The following STK33 variants were observed in gnomAD, a reference collection of about 807,000 sequenced individuals.
The protein encoded by STK33 is serine/threonine kinase 33.
In STK33, 52 loss-of-function variants were observed where a neutral mutation model predicts 58.0. The observed-to-expected ratio is 0.90, with a 90% CI of 0.72 to 1.13. The LOEUF (loss-of-function observed/expected upper bound fraction) is 1.13, where lower values mean the gene tolerates loss of function less well. Ranked by LOEUF, STK33 falls within the 50% of genes most tolerant of loss-of-function variation. The probability of loss-of-function intolerance (pLI) is 0.00; values close to 1 mark genes in which losing one functional copy is unlikely to be tolerated. For missense variants in STK33, 630 were observed against 604.2 expected (o/e 1.04, Z -0.45); for synonymous variants, 215 against 200.1 (o/e 1.07, Z -0.63).
intron 14 of STK33, among the ~76,000 whole-genome samples, chr11:8,418,235 C>T (rs189603703): frequency 2.6e-5 from 4 of 151,786 alleles, no homozygotes; most frequent in Admixed American, 6.6e-5. Flanking sequence ...TTTTTCTGGT[C>T]CTCTCCCTCC....
intron 1 of STK33, chr11:8,593,858 G>A (rs977360752): frequency 3.9e-5 from 6 of 152,352 alleles, no homozygotes; most frequent in African/African-American, 2.4e-5. Context: ...TACCGGACCC[G>A]GGGGAAATGG....
the STK33 span, among the ~76,000 whole-genome samples, chr11:8,372,081 C>T: frequency 6.6e-6 from 1 of 151,984 alleles, no homozygotes; most frequent in Non-Finnish European, 1.5e-5. Context: ...GTTGCCCAGG[C>T]TGATCCTAAC....
At chr11:8,373,954 A>C in the STK33 span, among the ~76,000 whole-genome samples, 2 of 152,210 alleles carry the variant, frequency 1.3e-5, no homozygotes, top group African/African-American at 4.8e-5. Flanking sequence ...AGCCATGACA[A>C]CATGCAATTC....
At chr11:8,564,885 C>T (rs1427043407) in intron 1 of STK33, among the ~76,000 whole-genome samples, 1 of 152,158 alleles carries the variant, frequency 6.6e-6, no homozygotes, top group Non-Finnish European at 1.5e-5. Context: ...AAAAACATAT[C>T]CTAAGCAGAA....
At chr11:8,535,183 GA>G (rs1252428503) in intron 1 of STK33, among the ~76,000 whole-genome samples, 4 of 152,140 alleles carry the variant, frequency 2.6e-5, no homozygotes, top group African/African-American at 9.7e-5. Flanking sequence ...GCCTCAGTAT[GA>G]GAAGCATTAA....
chr11:8,567,715 T>C (rs1455282352), intron 1 of STK33, among the ~76,000 whole-genome samples: 1 of 152,176 alleles, frequency 6.6e-6, no homozygotes, highest in Non-Finnish European at 1.5e-5. Context: ...AACACCAGAT[T>C]CTATCCTTTA....
At chr11:8,342,913 G>C in the STK33 span, among the ~76,000 whole-genome samples, 2 of 152,340 alleles carry the variant, frequency 1.3e-5, no homozygotes, top group South Asian at 4.1e-4. Flanking sequence ...GTGTGTCAGG[G>C]AAAGTGCGAT....
intron 1 of STK33, among the ~76,000 whole-genome samples, chr11:8,489,469 C>A (rs960470773): frequency 1.3e-5 from 2 of 152,018 alleles, no homozygotes; most frequent in African/African-American, 2.4e-5. Context: ...ACTAGGAAGT[C>A]GAAGAGCATG....
the STK33 span, among the ~76,000 whole-genome samples, chr11:8,356,067 G>A: frequency 6.6e-6 from 1 of 152,240 alleles, no homozygotes; most frequent in Non-Finnish European, 1.5e-5. Flanking sequence ...GGGGGTGCAG[G>A]GGTGGGGAGC....
At chr11:8,495,228 A>T (rs1950964624) in intron 1 of STK33, among the ~76,000 whole-genome samples, 1 of 152,142 alleles carries the variant, frequency 6.6e-6, no homozygotes, top group Non-Finnish European at 1.5e-5. Context: ...GAATCTACAA[A>T]GAACTTAAAC....
chr11:8,367,107 G>A, the STK33 span, among the ~76,000 whole-genome samples: 1 of 152,248 alleles, frequency 6.6e-6, no homozygotes, highest in Non-Finnish European at 1.5e-5. Context: ...TGTGTAGAAA[G>A]TATACGTTTT....
chr11:8,535,856 AATAG>A (rs1458209338), intron 1 of STK33, among the ~76,000 whole-genome samples: 1 of 152,220 alleles, frequency 6.6e-6, no homozygotes, highest in Non-Finnish European at 1.5e-5. Context: ...TCAACAGATG[AATAG>A]ATAAAGAAAA....
At chr11:8,424,783 T>C (rs1463391729) in intron 14 of STK33, among the ~76,000 whole-genome samples, 1 of 145,506 alleles carries the variant, frequency 6.9e-6, no homozygotes, top group Non-Finnish European at 1.5e-5. Context: ...TGCATAAATG[T>C]CTTCTTTTGA....
In STK33 at chr11:8,392,183, AT is replaced by A. The variant is rs1848667444; in HGVS notation, c.*326del. 3.4e-6 allele frequency: 1 copy of A among 297,084 alleles called. No homozygotes were observed. Among genetic ancestry groups the A allele is most frequent in the Non-Finnish European group, 6.2e-6 (1 of 160,488 alleles). The allele number at this position is 297,084 out of a possible 1,614,324, so 18.4% of individuals were successfully genotyped here. On this transcript the variant is annotated 3_prime_UTR_variant, in exon 16 of 16. Transcript: ENST00000687296. Reference sequence around the variant, plus strand: ...TAAATAGCTGTGCCTAAACATAAGAATTTGAAGTAAAAATGAGCAAGTGTGC... The same window carrying A: ...TAAATAGCTGTGCCTAAACATAAGAATTGAAGTAAAAATGAGCAAGTGTGC...
At chr11:8,520,167 T>C (rs1286396114) in intron 1 of STK33, among the ~76,000 whole-genome samples, 2 of 152,196 alleles carry the variant, frequency 1.3e-5, no homozygotes, top group African/African-American at 2.4e-5. Context: ...GCTTCATCCC[T>C]GGGATGCAAG....
At chr11:8,415,586 T>A (rs1040502912) in intron 14 of STK33, among the ~76,000 whole-genome samples, 2 of 152,118 alleles carry the variant, frequency 1.3e-5, no homozygotes, top group Non-Finnish European at 2.9e-5. Flanking sequence ...CCCAGCCAAT[T>A]GGTCATGGAA....
At chr11:8,542,269 C>T (rs915375558) in intron 1 of STK33, among the ~76,000 whole-genome samples, 13 of 152,092 alleles carry the variant, frequency 8.5e-5, no homozygotes, top group East Asian at 3.8e-4. Context: ...CATGTCATTA[C>T]GAAACCTAAG....
At chr11:8,473,901 G>A (rs1383937702) in intron 5 of STK33, among the ~76,000 whole-genome samples, 2 of 152,064 alleles carry the variant, frequency 1.3e-5, no homozygotes, top group Non-Finnish European at 2.9e-5. Context: ...GGCTGGGCAC[G>A]GTGGCTCATG....
At chr11:8,435,968 G>T in intron 13 of STK33, 59 bp downstream of exon 13, 1 of 1,022,710 alleles carries the variant, frequency 9.8e-7, no homozygotes, top group Non-Finnish European at 1.4e-6. Context: ...TTAACCACAG[G>T]CCAACTTTCT....
Sources: gnomAD v4.1 joint callset for allele counts (sites outside exome capture counted in the v4.1 genomes callset) on GRCh38, gnomAD v4.1.1 for gene constraint, MANE v1.5 for transcripts, NCBI Gene and HGNC (gene_info 2026-07-23, HGNC 2026-07-21) for gene names.